Variants in TTLL5 observed in about 807,000 individuals in gnomAD.
TTLL5 encodes tubulin tyrosine ligase like 5, also known as tubulin polyglutamylase TTLL5.
A neutral mutation model predicts 168.4 loss-of-function variants in TTLL5; 132 were observed. That is an observed-to-expected ratio of 0.78 (90% CI 0.68 to 0.91). TTLL5 has a LOEUF of 0.91. Ranked by LOEUF, TTLL5 falls within the 40% of genes least tolerant of loss-of-function variation. The probability of loss-of-function intolerance (pLI) is 0.00; values close to 1 mark genes in which losing one functional copy is unlikely to be tolerated. For synonymous variants in TTLL5, 546 were observed against 558.6 expected (o/e 0.98, Z 0.32); for missense variants, 1,545 against 1,581.5 (o/e 0.98, Z 0.39).
chr14:75,737,867 A>G (rs1040979191), intron 15 of TTLL5, among the ~76,000 whole-genome samples: 2 of 152,162 alleles, frequency 1.3e-5, no homozygotes, highest in Non-Finnish European at 2.9e-5. Context: ...TAAATGAGGA[A>G]CAGGGGCTTG....
intron 31 of TTLL5, among the ~76,000 whole-genome samples, chr14:75,927,311 A>G (rs1297488801): frequency 6.6e-6 from 1 of 152,160 alleles, no homozygotes; most frequent in Non-Finnish European, 1.5e-5. Flanking sequence ...TAACCACCCT[A>G]TTGTGCTATC....
chr14:75,826,296 T>TACACACACACACACAC lies in TTLL5; in HGVS notation c.3326+6156_3326+6171dup, dbSNP rs57519882. The stretch of plus-strand genomic sequence containing the variant: ...ACCTTCTATTTCCTTAGGATACGCG[T>TACACACACACACACAC]ACACACACACACACACACACACACA... On this transcript the variant is annotated intron_variant, in intron 28 of 31. Transcript: ENST00000298832. Among the ~76,000 whole-genome samples the TACACACACACACACAC allele has an allele frequency of 9.9e-3, 1,374 of 139,398 alleles. 23 individuals are homozygous for TACACACACACACACAC. Among genetic ancestry groups the TACACACACACACACAC allele is most frequent in the African/African-American group, 0.029 (1,086 of 36,936 alleles). 91.5% of individuals were successfully genotyped at this position (139,398 alleles called of 152,430 possible).
intron 30 of TTLL5, chr14:75,886,705 G>C (rs765027092): frequency 2.5e-6 from 4 of 1,597,612 alleles, no homozygotes; most frequent in Non-Finnish European, 3.4e-6. Flanking sequence ...TTTAGTACCC[G>C]CTTCAGATCC....
At chr14:75,670,836 T>C (rs1182569952) in intron 3 of TTLL5, among the ~76,000 whole-genome samples, 1 of 152,220 alleles carries the variant, frequency 6.6e-6, no homozygotes, top group Non-Finnish European at 1.5e-5. Context: ...TTTACAAATA[T>C]TCTTACTCTG....
rs1892808118 is a variant in TTLL5 at position 75,792,933 on chromosome 14, A to G, written c.3004A>G (p.Lys1002Glu). 13 of 1,609,470 alleles carry G rather than the reference A, an allele frequency of 8.1e-6. No individual in the cohort carries two copies. The highest frequency in any genetic ancestry group is 1.1e-5 in the Non-Finnish European group (13 of 1,177,104). The change falls in exon 27 of 32, where the codon AAG becomes GAG. Residue 1002 changes from lysine (K) to glutamate (E), a missense_variant. Lys to Glu is a moderately conservative substitution (Grantham distance 56, BLOSUM62 1). Coordinates refer to ENST00000298832, the MANE Select transcript of TTLL5 (RefSeq NM_015072.5). ...SAKAGSCYLN[K>E]HHSGIAKTQK... ...TTTAGCAGGATCGTGCTATCTAAAC[A>G]AGCATCATTCAGGAATAGCCAAAAC...
At chr14:75,811,177 GTGTGTGTGTGTA>G (rs1271797313) in intron 27 of TTLL5, among the ~76,000 whole-genome samples, 26 of 121,552 alleles carry the variant, frequency 2.1e-4, no homozygotes, top group Admixed American at 4.0e-4. Context: ...GTGTGTGTGT[GTGTGTGTGTGTA>G]TGTGTGTGTG....
In TTLL5 at chr14:75,669,506, T is replaced by C; in HGVS notation, c.165T>C (p.Asn55=). 6.2e-7 allele frequency: 1 copy of C among 1,614,014 alleles called. No homozygotes were observed. Among genetic ancestry groups the C allele is most frequent in the Non-Finnish European group, 8.5e-7 (1 of 1,179,880 alleles). Residue 55 remains asparagine, a synonymous_variant, in exon 3 of 32, where the codon AAT becomes AAC. Coordinates refer to ENST00000298832, the MANE Select transcript of TTLL5 (RefSeq NM_015072.5). The part of the protein sequence containing the change: ...HADAILTKDN[N]IRVIGERYHL... ...ACGCTATTCTTACAAAGGACAACAA[T>C]ATTAGAGTAATTGGAGGTGCGTATA...
At chr14:75,723,787 T>A (rs1052830629) in intron 12 of TTLL5, among the ~76,000 whole-genome samples, 3 of 152,170 alleles carry the variant, frequency 2.0e-5, no homozygotes, top group Admixed American at 2.0e-4. Flanking sequence ...TCCCTACTTG[T>A]GTTCAGTTTT....
intron 26 of TTLL5, among the ~76,000 whole-genome samples, chr14:75,789,601 T>G (rs1235774621): frequency 6.6e-6 from 1 of 152,136 alleles, no homozygotes; most frequent in Non-Finnish European, 1.5e-5. Flanking sequence ...AATAAAAATG[T>G]TTTTAAAAAT....
Position 75,798,238 on chromosome 14 carries a change from T to TTC in TTLL5, c.3171+5139_3171+5140dup, listed in dbSNP as rs529929029. ...TTTCTAGTTTGTGCACGTAAAGGTG[T>TTC]TCATAGTAGCCTTGAGTTATCTTTT... On this transcript the variant is annotated intron_variant, in intron 27 of 31. Transcript: ENST00000298832. 1.4e-4 allele frequency among the ~76,000 whole-genome samples: 22 copies of TTC among 152,272 alleles called. No homozygotes were observed. In the East Asian group the frequency reaches 3.9e-3, roughly 27 times the overall value.
At chr14:75,851,095 C>CAAAAA (rs35393032) in intron 28 of TTLL5, among the ~76,000 whole-genome samples, 1 of 95,902 alleles carries the variant, frequency 1.0e-5, no homozygotes, top group African/African-American at 4.2e-5. Flanking sequence ...GACCTTGTCT[C>CAAAAA]AAAAAAAAAA....
intron 17 of TTLL5, among the ~76,000 whole-genome samples, chr14:75,751,476 G>C (rs541234252): frequency 5.9e-5 from 9 of 152,294 alleles, no homozygotes; most frequent in African/African-American, 2.2e-4. Context: ...GGCCTGGAGT[G>C]TCTACAGTGC....
At chr14:75,778,093 A>G (rs1228824251) in intron 23 of TTLL5, among the ~76,000 whole-genome samples, 2 of 152,232 alleles carry the variant, frequency 1.3e-5, no homozygotes, top group Non-Finnish European at 2.9e-5. Flanking sequence ...TATATTTTAA[A>G]AAACCCAGCC....
At chr14:75,900,789 G>C (rs150854942) in intron 30 of TTLL5, among the ~76,000 whole-genome samples, 1,883 of 152,264 alleles carry the variant, frequency 0.012, 17 homozygotes, top group South Asian at 0.025. Context: ...TATTTCCACA[G>C]AAAGACCATC....
chr14:75,781,795 A>G (rs1595029841), intron 24 of TTLL5, among the ~76,000 whole-genome samples: 1 of 152,082 alleles, frequency 6.6e-6, no homozygotes, highest in South Asian at 2.1e-4. Context: ...TCTCTACTAA[A>G]TATACAAAAA....
Position 75,882,880 on chromosome 14 carries a change from G to A in TTLL5, c.3718G>A (p.Ala1240Thr), listed in dbSNP as rs764976246. The A allele has an allele frequency of 2.5e-6, 4 of 1,614,118 alleles. No homozygotes were observed. Among genetic ancestry groups the A allele is most frequent in the Admixed American group, 1.7e-5 (1 of 60,014 alleles). Residue 1240 changes from alanine (A) to threonine (T), a missense_variant, in exon 30 of 32, where the codon GCA becomes ACA. By Grantham distance (58) the Ala-to-Thr change is moderately conservative. Transcript: ENST00000298832. Reference protein sequence around the residue: ...PPNHEQVLRRATSQKASKGSS... With the variant: ...PPNHEQVLRRTTSQKASKGSS... ...CAACCACGAACAAGTGCTCAGAAGG[G>A]CAACATCCCAGAAAGCTTCCAAGTA... is the stretch of plus-strand genomic sequence containing the variant.
At chr14:75,682,355 T>C (rs1795797028) in intron 4 of TTLL5, among the ~76,000 whole-genome samples, 1 of 151,740 alleles carries the variant, frequency 6.6e-6, no homozygotes, top group Non-Finnish European at 1.5e-5. Context: ...CCAGGGAAGG[T>C]CCCCGAGTGA....
At chr14:75,864,341 A>G (rs2030323551) in intron 29 of TTLL5, among the ~76,000 whole-genome samples, 1 of 152,174 alleles carries the variant, frequency 6.6e-6, no homozygotes, top group African/African-American at 2.4e-5. Flanking sequence ...TGGGAAATGG[A>G]CATATGTTAG....
chr14:75,788,708 T>C (rs532102014), intron 26 of TTLL5, among the ~76,000 whole-genome samples: 1 of 152,190 alleles, frequency 6.6e-6, no homozygotes, highest in East Asian at 1.9e-4. Context: ...TTAAAAAAAC[T>C]CTTCTGGAGT....
Sources: allele counts gnomAD v4.1 joint callset (sites outside exome capture counted in the v4.1 genomes callset), GRCh38; gene constraint gnomAD v4.1.1; transcripts MANE v1.5; gene names NCBI Gene and HGNC (gene_info 2026-07-23, HGNC 2026-07-21).